The following SYNPR variants were observed in gnomAD, a reference collection of about 807,000 sequenced individuals.
SYNPR encodes synaptoporin.
In SYNPR, 23 loss-of-function variants were observed where a neutral mutation model predicts 32.9. The ratio of observed to expected loss-of-function variants is 0.70; its 90% CI spans 0.50 to 0.99. SYNPR has a LOEUF of 0.99. SYNPR is among the 50% of genes least tolerant of loss of function. SYNPR has a pLI of 0.00. For missense variants in SYNPR, 318 were observed against 349.3 expected, an observed-to-expected ratio of 0.91 and a Z score of 0.71; for synonymous variants, 146 against 135.9, an observed-to-expected ratio of 1.07 and a Z score of -0.52.
chr3:63,276,018 C>T (rs1448543037), upstream of SYNPR, among the ~76,000 whole-genome samples: 1 of 152,144 alleles, frequency 6.6e-6, no homozygotes, highest in African/African-American at 2.4e-5. Context: ...TGCTTACACC[C>T]CAAAATGCAT....
intron 2 of SYNPR, among the ~76,000 whole-genome samples, chr3:63,258,102 A>G (rs1055611028): frequency 2.0e-5 from 3 of 152,126 alleles, no homozygotes; most frequent in African/African-American, 7.2e-5. Context: ...AGAGACTTAG[A>G]CTCCCACACA....
At chr3:63,220,940 G>A in the SYNPR span, among the ~76,000 whole-genome samples, 1 of 152,124 alleles carries the variant, frequency 6.6e-6, no homozygotes, top group Non-Finnish European at 1.5e-5. Context: ...TAACCAATAT[G>A]CAATTCTTTA....
intron 2 of SYNPR, among the ~76,000 whole-genome samples, chr3:63,347,051 T>C (rs902363317): frequency 4.6e-5 from 7 of 152,196 alleles, no homozygotes; most frequent in Non-Finnish European, 8.8e-5. Flanking sequence ...AAAATAATAC[T>C]AGGGCTTACC....
At chr3:63,379,856 G>C (rs2087943744) in intron 2 of SYNPR, among the ~76,000 whole-genome samples, 1 of 149,818 alleles carries the variant, frequency 6.7e-6, no homozygotes, top group South Asian at 2.1e-4. Flanking sequence ...CCCCACAAAA[G>C]GCCCCGGTGT....
At chr3:63,542,930 G>C (rs1004338284) in intron 3 of SYNPR, among the ~76,000 whole-genome samples, 2 of 151,998 alleles carry the variant, frequency 1.3e-5, no homozygotes, top group African/African-American at 4.8e-5. Context: ...TTATCATCTA[G>C]ATCAGCAGTT....
chr3:63,500,731 GATCACTGCTCA>G (rs1245236160), intron 3 of SYNPR, among the ~76,000 whole-genome samples: 30 of 152,210 alleles, frequency 2.0e-4, no homozygotes, highest in African/African-American at 6.7e-4. Flanking sequence ...CACACAATTT[GATCACTGCTCA>G]TTCACTGCTT....
At chr3:63,324,196 T>TAC (rs1225282072) in intron 2 of SYNPR, among the ~76,000 whole-genome samples, 2 of 152,060 alleles carry the variant, frequency 1.3e-5, no homozygotes, top group Non-Finnish European at 2.9e-5. Context: ...GTGTAAGTAT[T>TAC]ATTAATCTCA....
chr3:63,203,075 T>TATATATATATATATATATATAC, the SYNPR span: 1 of 25,364 alleles, frequency 3.9e-5, no homozygotes, highest in Non-Finnish European at 1.1e-4. Context: ...TGTGTATATA[T>TATATATATATATATATATATAC]ATATATATAT....
At chr3:63,297,003 TTTTAA>T (rs1485256558) in intron 2 of SYNPR, among the ~76,000 whole-genome samples, 9 of 152,280 alleles carry the variant, frequency 5.9e-5, no homozygotes, top group South Asian at 2.1e-4. Flanking sequence ...GGGAATGAGT[TTTTAA>T]TTTAATTTAT....
chr3:63,281,157 G>T (rs570948769), intron 2 of SYNPR, among the ~76,000 whole-genome samples: 1 of 152,270 alleles, frequency 6.6e-6, no homozygotes, highest in East Asian at 1.9e-4. Context: ...CTTATAGATG[G>T]TAGAACATTT....
chr3:63,525,887 G>A (rs1192376094), intron 3 of SYNPR, among the ~76,000 whole-genome samples: 3 of 152,146 alleles, frequency 2.0e-5, no homozygotes, highest in African/African-American at 7.2e-5. Context: ...TTCTTGTACA[G>A]CCTGCAGAAC....
At chr3:63,328,506 C>G (rs1056371161) in intron 2 of SYNPR, among the ~76,000 whole-genome samples, 1 of 152,176 alleles carries the variant, frequency 6.6e-6, no homozygotes. Context: ...TGCCTGTCTC[C>G]CTGGCTTTGA....
chr3:63,342,335 T>G (rs943392998), intron 2 of SYNPR, among the ~76,000 whole-genome samples: 10 of 152,244 alleles, frequency 6.6e-5, no homozygotes, highest in Non-Finnish European at 7.3e-5. Context: ...TAATCATTAC[T>G]GGATTTTGTC....
rs1575608665 is a variant in SYNPR, at chr3:63,356,547, T to A, written c.84+77805T>A. On this transcript the variant is annotated intron_variant, in intron 2 of 5. Transcript: ENST00000478300. The stretch of plus-strand genomic sequence containing the variant: ...GATTAAACAATTTGCTCAAGGTCAG[T>A]CAGCAGTGGTGTCTTCCCTGAATCC... Among the ~76,000 whole-genome samples, 2 of 152,334 alleles carry A rather than the reference T, an allele frequency of 1.3e-5. 1 individual carries two copies. Among genetic ancestry groups the A allele is most frequent in the South Asian group, 4.1e-4 (2 of 4,824 alleles).
At chr3:63,554,804 A>C (rs1441698573) in intron 3 of SYNPR, among the ~76,000 whole-genome samples, 1 of 152,130 alleles carries the variant, frequency 6.6e-6, no homozygotes, top group African/African-American at 2.4e-5. Flanking sequence ...TGCTCTGGGC[A>C]ATAGGGCTAT....
chr3:63,494,392 C>T (rs1701315440), intron 3 of SYNPR, among the ~76,000 whole-genome samples: 1 of 36,928 alleles, frequency 2.7e-5, no homozygotes, highest in Non-Finnish European at 4.7e-5. Flanking sequence ...TATGTTAATT[C>T]TTATATATAT....
At chr3:63,417,285 T>A (rs1308999866) in intron 2 of SYNPR, among the ~76,000 whole-genome samples, 1 of 152,234 alleles carries the variant, frequency 6.6e-6, no homozygotes, top group Non-Finnish European at 1.5e-5. Context: ...TTTGACTCCA[T>A]GTCTCACATC....
chr3:63,410,706 C>T (rs2088452792), intron 2 of SYNPR, among the ~76,000 whole-genome samples: 1 of 152,164 alleles, frequency 6.6e-6, no homozygotes, highest in African/African-American at 2.4e-5. Context: ...AGAACATATG[C>T]ATGTGACCAT....
At chr3:63,359,931 TAGACTC>T (rs1247171620) in intron 2 of SYNPR, among the ~76,000 whole-genome samples, 2 of 152,122 alleles carry the variant, frequency 1.3e-5, no homozygotes, top group African/African-American at 2.4e-5. Context: ...TCTAAAGAAA[TAGACTC>T]AGAAAGAATC....
Sources: gnomAD v4.1 joint callset for allele counts (sites outside exome capture counted in the v4.1 genomes callset) on GRCh38, gnomAD v4.1.1 for gene constraint, MANE v1.5 for transcripts, NCBI Gene and HGNC (gene_info 2026-07-23, HGNC 2026-07-21) for gene names.